PCDH15: variants seen among roughly 807,000 people sequenced by gnomAD.
The protein encoded by PCDH15 is protocadherin related 15.
Under a neutral mutation model 178.5 loss-of-function variants are expected in PCDH15, and 129 were observed. The observed-to-expected ratio is 0.72, with a 90% CI of 0.63 to 0.84. PCDH15 has a LOEUF of 0.84. PCDH15 is among the 40% of genes least tolerant of loss of function. The probability of loss-of-function intolerance (pLI) is 0.00; values close to 1 mark genes in which losing one functional copy is unlikely to be tolerated. For synonymous variants in PCDH15, 800 were observed against 732.0 expected (o/e 1.09, Z -1.50); for missense variants, 2,230 against 2,099.9 (o/e 1.06, Z -1.21).
At chr10:55,532,049 G>C (rs1841466099) in intron 2 of PCDH15, among the ~76,000 whole-genome samples, 2 of 151,776 alleles carry the variant, frequency 1.3e-5, no homozygotes, top group Non-Finnish European at 2.9e-5. Flanking sequence ...GAAATTTAAT[G>C]AATAAAATAT....
At chr10:54,840,611 A>T (rs1279064959) in intron 3 of PCDH15, among the ~76,000 whole-genome samples, 7 of 151,922 alleles carry the variant, frequency 4.6e-5, no homozygotes, top group Non-Finnish European at 2.9e-5. Flanking sequence ...AGTTTAAATG[A>T]ATTAAATTTT....
chr10:55,422,515 T>C (rs1264295389), intron 2 of PCDH15, among the ~76,000 whole-genome samples: 1 of 151,856 alleles, frequency 6.6e-6, no homozygotes, highest in African/African-American at 2.4e-5. Context: ...GGGATATAAA[T>C]TGTAGGTTAA....
chr10:54,406,039 A>T (rs1385167502), intron 3 of PCDH15, among the ~76,000 whole-genome samples: 1 of 152,144 alleles, frequency 6.6e-6, no homozygotes, highest in African/African-American at 2.4e-5. Context: ...GGAGCCTTAT[A>T]GAACATTGAA....
At chr10:53,827,210 T>C (rs1298821833) in intron 32 of PCDH15, among the ~76,000 whole-genome samples, 183 bp downstream of exon 32, 1 of 152,176 alleles carries the variant, frequency 6.6e-6, no homozygotes, top group African/African-American at 2.4e-5. Flanking sequence ...GGTTTGGTTT[T>C]GGCTATTATT....
intron 1 of PCDH15, among the ~76,000 whole-genome samples, chr10:54,756,937 A>G (rs991099189): frequency 6.6e-6 from 1 of 152,200 alleles, no homozygotes; most frequent in Non-Finnish European, 1.5e-5. Flanking sequence ...GCTGTGTCTT[A>G]ACGTGATTAG....
At chr10:55,189,570 G>A (rs1839888036) in intron 1 of PCDH15, among the ~76,000 whole-genome samples, 1 of 151,780 alleles carries the variant, frequency 6.6e-6, no homozygotes, top group Non-Finnish European at 1.5e-5. Flanking sequence ...ATTTTGTTTT[G>A]AGGTGAGCAG....
chr10:54,999,659 T>G (rs1839747607), intron 2 of PCDH15, among the ~76,000 whole-genome samples: 1 of 152,116 alleles, frequency 6.6e-6, no homozygotes, highest in African/African-American at 2.4e-5. Flanking sequence ...TGCCCCCTAC[T>G]GAGTTGGCAG....
At chr10:54,887,275 C>T (rs1036561668) in intron 3 of PCDH15, among the ~76,000 whole-genome samples, 2 of 152,096 alleles carry the variant, frequency 1.3e-5, no homozygotes, top group Non-Finnish European at 2.9e-5. Context: ...CAGATCCTTG[C>T]AATTGTTAAT....
At chr10:54,112,646 G>A (rs1480634829) in intron 15 of PCDH15, among the ~76,000 whole-genome samples, 5 of 152,064 alleles carry the variant, frequency 3.3e-5, no homozygotes, top group Non-Finnish European at 2.9e-5. Context: ...TGGTTTTCAG[G>A]CAGGTGGAGA....
intron 3 of PCDH15, among the ~76,000 whole-genome samples, chr10:54,415,964 C>T (rs532371080): frequency 2.6e-5 from 4 of 151,616 alleles, no homozygotes; most frequent in South Asian, 4.2e-4. Context: ...TTTAAAAAAT[C>T]GACTTTTTTA....
At chr10:54,511,853 A>G (rs2081699878) in intron 3 of PCDH15, among the ~76,000 whole-genome samples, 1 of 152,166 alleles carries the variant, frequency 6.6e-6, no homozygotes, top group Admixed American at 6.5e-5. Context: ...TTTTGGGTCA[A>G]ATAAGGTATG....
intron 3 of PCDH15, among the ~76,000 whole-genome samples, chr10:54,809,969 CAACTT>C (rs1356669160): frequency 2.0e-5 from 3 of 152,070 alleles, no homozygotes; most frequent in Non-Finnish European, 2.9e-5. Context: ...TTGGGGGAAA[CAACTT>C]AAACATTCAG....
At chr10:54,630,221 G>GTT (rs2093664070) in intron 2 of PCDH15, among the ~76,000 whole-genome samples, 1 of 152,108 alleles carries the variant, frequency 6.6e-6, no homozygotes, top group Admixed American at 6.6e-5. Context: ...AATACTAAGT[G>GTT]AAGAGAAGAA....
At chr10:54,045,585 C>T (rs2093638400) in intron 18 of PCDH15, among the ~76,000 whole-genome samples, 1 of 151,992 alleles carries the variant, frequency 6.6e-6, no homozygotes, top group South Asian at 2.1e-4. Context: ...CAGAAACAAA[C>T]CCTCATACAC....
At chr10:54,818,172 T>G (rs1419894911) in intron 3 of PCDH15, among the ~76,000 whole-genome samples, 4 of 152,064 alleles carry the variant, frequency 2.6e-5, no homozygotes, top group Non-Finnish European at 5.9e-5. Context: ...TTGATTAACA[T>G]ATAGTTTAGA....
In PCDH15 at chr10:53,827,568, G is replaced by T. The variant is rs775958545; in HGVS notation, c.4212-20C>A. The T allele has an allele frequency of 6.2e-7, 1 of 1,613,972 alleles. No individual in the cohort carries two copies. Reference sequence around the variant, plus strand: ...TGACGTCTTGGATAAAGTAAGGATGGCTTGTAAAACTCATTTTAGAAATCA... The same window carrying T: ...TGACGTCTTGGATAAAGTAAGGATGTCTTGTAAAACTCATTTTAGAAATCA... On this transcript the variant is annotated intron_variant, in intron 31 of 37. Transcript: ENST00000644397.
chr10:55,538,706 A>C (rs1271975745), intron 2 of PCDH15, among the ~76,000 whole-genome samples: 1 of 3,614 alleles, frequency 2.8e-4, no homozygotes, highest in African/African-American at 1.1e-3. Flanking sequence ...TTTCATTAAA[A>C]CATCCCTCCC....
intron 8 of PCDH15, among the ~76,000 whole-genome samples, chr10:54,263,719 A>G (rs1176214055): frequency 6.6e-6 from 1 of 150,946 alleles, no homozygotes; most frequent in Non-Finnish European, 1.5e-5. Flanking sequence ...CATACTTTCA[A>G]GGAGAATAAA....
intron 2 of PCDH15, among the ~76,000 whole-genome samples, chr10:55,402,733 C>G (rs139635468): frequency 6.6e-6 from 1 of 151,924 alleles, no homozygotes; most frequent in African/African-American, 2.4e-5. Flanking sequence ...TTCATGGACA[C>G]TTAGGTTGAT....
Sources: allele counts gnomAD v4.1 joint callset (sites outside exome capture counted in the v4.1 genomes callset), GRCh38; gene constraint gnomAD v4.1.1; transcripts MANE v1.5; gene names NCBI Gene and HGNC (gene_info 2026-07-23, HGNC 2026-07-21).